Variants in KCNIP1 observed in about 807,000 individuals in gnomAD.
KCNIP1 encodes A-type potassium channel modulatory protein KCNIP1.
Under a neutral mutation model 33.0 loss-of-function variants are expected in KCNIP1, and 18 were observed. The observed-to-expected ratio is 0.55, with a 90% CI of 0.38 to 0.81. KCNIP1 has a LOEUF of 0.81. KCNIP1 is among the 30% of genes least tolerant of loss of function. The probability of loss-of-function intolerance (pLI) is 0.00; values close to 1 mark genes in which losing one functional copy is unlikely to be tolerated. For synonymous variants in KCNIP1, 93 were observed against 98.3 expected (o/e 0.95, Z 0.32); for missense variants, 238 against 271.6 (o/e 0.88, Z 0.87).
intron 1 of KCNIP1, among the ~76,000 whole-genome samples, chr5:170,611,340 C>T (rs1759143618): frequency 6.6e-6 from 1 of 152,316 alleles, no homozygotes; most frequent in African/African-American, 2.4e-5. Context: ...CAAATACTCA[C>T]ATTTGGTGCT....
At chr5:170,692,022 G>A (rs1262712807) in intron 1 of KCNIP1, among the ~76,000 whole-genome samples, 1 of 152,150 alleles carries the variant, frequency 6.6e-6, no homozygotes, top group Non-Finnish European at 1.5e-5. Context: ...CTTCCCCAGG[G>A]AGACATTCAC....
intron 1 of KCNIP1, among the ~76,000 whole-genome samples, chr5:170,692,497 A>G (rs1011947369): frequency 6.6e-6 from 1 of 152,254 alleles, no homozygotes. Flanking sequence ...TTGCAACAAT[A>G]CATTGCAACA....
At chr5:170,392,203 T>C (rs1199356877) in intron 1 of KCNIP1, among the ~76,000 whole-genome samples, 1 of 152,034 alleles carries the variant, frequency 6.6e-6, no homozygotes, top group Non-Finnish European at 1.5e-5. Flanking sequence ...TCACCGGGCA[T>C]GGGAGAGAAC....
intron 1 of KCNIP1, among the ~76,000 whole-genome samples, chr5:170,496,665 C>G (rs1442309262): frequency 1.3e-5 from 2 of 152,156 alleles, no homozygotes; most frequent in Non-Finnish European, 2.9e-5. Flanking sequence ...GACATTTACC[C>G]AAGGAGATTA....
At chr5:170,451,666 T>C (rs1756253386) in intron 1 of KCNIP1, among the ~76,000 whole-genome samples, 1 of 151,348 alleles carries the variant, frequency 6.6e-6, no homozygotes, top group Admixed American at 6.6e-5. Context: ...TCAGCTGGAG[T>C]AGACAACTTT....
chr5:170,687,917 A>G (rs528275420), intron 1 of KCNIP1, among the ~76,000 whole-genome samples: 39 of 152,230 alleles, frequency 2.6e-4, no homozygotes, highest in Non-Finnish European at 8.8e-5. Context: ...CAGACAGAGA[A>G]CAGCTGGTGG....
intron 1 of KCNIP1, among the ~76,000 whole-genome samples, chr5:170,673,797 T>TACACTCTATATACACTCTATA (rs1189837367): frequency 6.6e-6 from 1 of 152,134 alleles, no homozygotes; most frequent in Non-Finnish European, 1.5e-5. Context: ...TATACCCTTG[T>TACACTCTATATACACTCTATA]CCAAGTTACT....
chr5:170,587,592 G>C (rs1758049307), intron 1 of KCNIP1, among the ~76,000 whole-genome samples: 1 of 152,058 alleles, frequency 6.6e-6, no homozygotes, highest in South Asian at 2.1e-4. Flanking sequence ...GCTTCTGGAG[G>C]CCACTCACAT....
chr5:170,355,572 G>A (rs1763325325), intron 1 of KCNIP1, among the ~76,000 whole-genome samples: 1 of 152,130 alleles, frequency 6.6e-6, no homozygotes, highest in African/African-American at 2.4e-5. Context: ...GAATCATGGG[G>A]GTCAACAGGC....
intron 1 of KCNIP1, among the ~76,000 whole-genome samples, chr5:170,496,767 C>T (rs1408270174): frequency 6.6e-6 from 1 of 152,172 alleles, no homozygotes; most frequent in Non-Finnish European, 1.5e-5. Flanking sequence ...TCTCACCCGT[C>T]CACCCTCAAC....
intron 1 of KCNIP1, among the ~76,000 whole-genome samples, chr5:170,493,911 C>G (rs568500741): frequency 4.3e-4 from 66 of 152,340 alleles, no homozygotes; most frequent in African/African-American, 1.5e-3. Context: ...AGGGCCAGAA[C>G]CATACCCACC....
intron 1 of KCNIP1, among the ~76,000 whole-genome samples, chr5:170,651,416 A>G (rs1581447972): frequency 6.6e-6 from 1 of 152,206 alleles, no homozygotes; most frequent in African/African-American, 2.4e-5. Context: ...ACTTGGGCCT[A>G]ATAAGAAGTC....
chr5:170,697,157 C>T (rs1762925776), intron 1 of KCNIP1, among the ~76,000 whole-genome samples: 1 of 152,052 alleles, frequency 6.6e-6, no homozygotes, highest in African/African-American at 2.4e-5. Flanking sequence ...TCAGGCCCAC[C>T]GTCACTCCTC....
intron 1 of KCNIP1, among the ~76,000 whole-genome samples, chr5:170,595,622 A>T (rs931863672): frequency 6.6e-6 from 1 of 152,144 alleles, no homozygotes; most frequent in Non-Finnish European, 1.5e-5. Context: ...GGGCAAGGAG[A>T]AAAAAACAAG....
rs558737296 is a variant in KCNIP1 at position 170,562,088 on chromosome 5, AAGAC to A, written c.61+57463_61+57466del. Reference sequence around the variant, plus strand: ...AGGGATCATCTGCGTTACATTTTTAAAGACAGACAGAAAAATAGATATGTGGCAA... The same window carrying A: ...AGGGATCATCTGCGTTACATTTTTAAAGACAGAAAAATAGATATGTGGCAA... On this transcript the variant is annotated intron_variant, in intron 1 of 7. Transcript: ENST00000328939. Among the ~76,000 whole-genome samples, 431 of 152,346 alleles carry A rather than the reference AAGAC, an allele frequency of 2.8e-3. 1 individual carries two copies. The highest frequency in any genetic ancestry group is 5.2e-3 in the South Asian group (25 of 4,816).
chr5:170,721,739 CCT>C, intron 3 of KCNIP1, 92 bp from the exon 4 acceptor site: 1 of 1,614,084 alleles, frequency 6.2e-7, no homozygotes, highest in Non-Finnish European at 8.5e-7. Flanking sequence ...GCATCACTCT[CCT>C]CTCTTTCTTG....
intron 1 of KCNIP1, among the ~76,000 whole-genome samples, chr5:170,471,132 G>C (rs1387478001): frequency 3.9e-5 from 6 of 152,176 alleles, no homozygotes; most frequent in African/African-American, 1.4e-4. Flanking sequence ...GGAATTTCTA[G>C]ATTTTCCTTT....
intron 1 of KCNIP1, among the ~76,000 whole-genome samples, chr5:170,681,986 T>G (rs1299572684): frequency 2.0e-5 from 3 of 152,226 alleles, no homozygotes; most frequent in African/African-American, 4.8e-5. Context: ...ATAGTGTATA[T>G]CCAAAGTATG....
At chr5:170,426,547 G>T (rs770164696) in intron 1 of KCNIP1, among the ~76,000 whole-genome samples, 2 of 152,196 alleles carry the variant, frequency 1.3e-5, no homozygotes, top group Non-Finnish European at 2.9e-5. Flanking sequence ...TTGCCACTGG[G>T]ACTCAGTTTT....
Sources: gnomAD v4.1 joint callset for allele counts (sites outside exome capture counted in the v4.1 genomes callset) on GRCh38, gnomAD v4.1.1 for gene constraint, MANE v1.5 for transcripts, NCBI Gene and HGNC (gene_info 2026-07-23, HGNC 2026-07-21) for gene names.